Variants in CLDN10 observed in about 807,000 individuals in gnomAD.
The protein encoded by CLDN10 is claudin 10, also known as claudin-10.
In CLDN10, 15 loss-of-function variants were observed where a neutral mutation model predicts 22.9. That is an observed-to-expected ratio of 0.65 (90% CI 0.44 to 1.01). The LOEUF (loss-of-function observed/expected upper bound fraction) is 1.01, where lower values mean the gene tolerates loss of function less well. Ranked by LOEUF, CLDN10 falls within the 50% of genes least tolerant of loss-of-function variation. The probability of loss-of-function intolerance (pLI) is 0.00; values close to 1 mark genes in which losing one functional copy is unlikely to be tolerated. For missense variants in CLDN10, 247 were observed against 287.8 expected (o/e 0.86, Z 1.03); for synonymous variants, 114 against 111.4 (o/e 1.02, Z -0.15).
intron 1 of CLDN10, among the ~76,000 whole-genome samples, chr13:95,528,754 A>T (rs1038657937): frequency 5.9e-5 from 9 of 152,224 alleles, no homozygotes; most frequent in Admixed American, 2.6e-4. Flanking sequence ...TACAGACACC[A>T]CGGCAAAGCC....
intron 1 of CLDN10, among the ~76,000 whole-genome samples, chr13:95,486,657 C>G (rs1193205853): frequency 6.6e-6 from 1 of 152,110 alleles, no homozygotes; most frequent in Non-Finnish European, 1.5e-5. Flanking sequence ...AACCAGAGTA[C>G]AGTGAACCTG....
intron 1 of CLDN10, among the ~76,000 whole-genome samples, chr13:95,439,325 T>C (rs1479767696): frequency 1.3e-5 from 2 of 150,832 alleles, no homozygotes; most frequent in Non-Finnish European, 2.9e-5. Context: ...GGCAGCTCTC[T>C]GAGGCCTCTT....
upstream of CLDN10, among the ~76,000 whole-genome samples, chr13:95,550,184 T>C (rs2043549110): frequency 6.6e-6 from 1 of 152,226 alleles, no homozygotes; most frequent in Admixed American, 6.5e-5. Context: ...TTCCGGATGC[T>C]ATGTTGCAAC....
intron 1 of CLDN10, among the ~76,000 whole-genome samples, chr13:95,457,785 C>T (rs889523362): frequency 6.6e-6 from 1 of 151,962 alleles, no homozygotes; most frequent in Non-Finnish European, 1.5e-5. Flanking sequence ...TCTTGAAGAC[C>T]CTCTAGGAAG....
intron 1 of CLDN10, among the ~76,000 whole-genome samples, chr13:95,531,803 G>C (rs1034908193): frequency 5.3e-5 from 8 of 151,550 alleles, no homozygotes; most frequent in African/African-American, 1.9e-4. Flanking sequence ...CCAAAGTGCT[G>C]GGATTACAGG....
intron 1 of CLDN10, among the ~76,000 whole-genome samples, chr13:95,492,099 C>T (rs1412545566): frequency 6.6e-6 from 1 of 151,706 alleles, no homozygotes; most frequent in Non-Finnish European, 1.5e-5. Context: ...CGTGAGGGTC[C>T]TTAACTTCGG....
upstream of CLDN10, among the ~76,000 whole-genome samples, chr13:95,551,087 G>T (rs1317841577): frequency 6.6e-6 from 1 of 152,052 alleles, no homozygotes; most frequent in African/African-American, 2.4e-5. Context: ...TGTCTGCATT[G>T]TCACCCTTGT....
At chr13:95,471,097 A>G (rs978553616) in intron 1 of CLDN10, among the ~76,000 whole-genome samples, 7 of 152,150 alleles carry the variant, frequency 4.6e-5, no homozygotes, top group African/African-American at 1.7e-4. Context: ...AGAGGATTAG[A>G]AGCCACTCTG....
intron 1 of CLDN10, among the ~76,000 whole-genome samples, chr13:95,467,997 T>C (rs953177897): frequency 1.3e-5 from 2 of 152,198 alleles, no homozygotes; most frequent in Non-Finnish European, 2.9e-5. Context: ...AGGTCTACAA[T>C]GATCCAAAAA....
chr13:95,483,977 TC>T (rs1469900843), intron 1 of CLDN10, among the ~76,000 whole-genome samples: 1 of 152,140 alleles, frequency 6.6e-6, no homozygotes, highest in African/African-American at 2.4e-5. Context: ...CCCTCCCTTA[TC>T]CCTTCCACCA....
intron 3 of CLDN10, among the ~76,000 whole-genome samples, chr13:95,575,311 T>C (rs2043909650): frequency 6.6e-6 from 1 of 152,230 alleles, no homozygotes; most frequent in Admixed American, 6.5e-5. Context: ...TTGTCTGCAG[T>C]AAAAAGGGTG....
upstream of CLDN10, among the ~76,000 whole-genome samples, chr13:95,548,055 C>T (rs2043528151): frequency 6.6e-6 from 1 of 152,172 alleles, no homozygotes; most frequent in African/African-American, 2.4e-5. Context: ...CTCTGTTTTA[C>T]AAATGAGGGA....
chr13:95,460,805 C>T (rs896914924), intron 1 of CLDN10, among the ~76,000 whole-genome samples: 6 of 152,032 alleles, frequency 3.9e-5, no homozygotes, highest in Admixed American at 3.3e-4. Context: ...TACCACCGCA[C>T]TCAGCTAAAA....
chr13:95,558,283 G>C (rs1413110977), intron 1 of CLDN10, among the ~76,000 whole-genome samples: 2 of 152,144 alleles, frequency 1.3e-5, no homozygotes, highest in African/African-American at 4.8e-5. Context: ...CCTGCTGTCT[G>C]GGCTCTGGCT....
intron 1 of CLDN10, among the ~76,000 whole-genome samples, chr13:95,457,908 A>G (rs1415987963): frequency 6.6e-6 from 1 of 152,160 alleles, no homozygotes; most frequent in Non-Finnish European, 1.5e-5. Context: ...GTAACCAACA[A>G]CCACAGATCC....
At chr13:95,466,021 G>A (rs886748740) in intron 1 of CLDN10, among the ~76,000 whole-genome samples, 2 of 151,724 alleles carry the variant, frequency 1.3e-5, no homozygotes, top group African/African-American at 4.8e-5. Context: ...TAGTCATGGT[G>A]TATGTTTATG....
intron 1 of CLDN10, among the ~76,000 whole-genome samples, chr13:95,558,774 A>G (rs1221146645): frequency 1.3e-5 from 2 of 152,126 alleles, no homozygotes; most frequent in Non-Finnish European, 2.9e-5. Flanking sequence ...AAAATTTAAA[A>G]ATTAGCCATA....
intron 3 of CLDN10, among the ~76,000 whole-genome samples, chr13:95,575,258 ATG>A (rs1428358895): frequency 6.6e-5 from 10 of 152,240 alleles, no homozygotes; most frequent in South Asian, 6.2e-4. Context: ...TCCTATAATA[ATG>A]TACTTCATGC....
upstream of CLDN10, among the ~76,000 whole-genome samples, chr13:95,547,934 T>G (rs1197729773): frequency 1.3e-5 from 2 of 152,142 alleles, no homozygotes; most frequent in Non-Finnish European, 2.9e-5. Flanking sequence ...AAAGGAAAAC[T>G]GCTACTCTCC....
Sources: gnomAD v4.1 joint callset for allele counts (sites outside exome capture counted in the v4.1 genomes callset) on GRCh38, gnomAD v4.1.1 for gene constraint, MANE v1.5 for transcripts, NCBI Gene and HGNC (gene_info 2026-07-23, HGNC 2026-07-21) for gene names.